Variants in HPS3 observed in about 807,000 individuals in gnomAD.
The protein encoded by HPS3 is HPS3 biogenesis of lysosomal organelles complex 2 subunit 1.
A neutral mutation model predicts 110.9 loss-of-function variants in HPS3; 79 were observed. The observed-to-expected ratio is 0.71, with a 90% CI of 0.59 to 0.86. The LOEUF (loss-of-function observed/expected upper bound fraction) is 0.86, where lower values mean the gene tolerates loss of function less well. Ranked by LOEUF, HPS3 falls within the 40% of genes least tolerant of loss-of-function variation. The pLI, the probability that HPS3 is intolerant of heterozygous loss-of-function variation, is 0.00. For synonymous variants in HPS3, 428 were observed against 451.0 expected, an observed-to-expected ratio of 0.95 and a Z score of 0.65; for missense variants, 1,197 against 1,206.2, an observed-to-expected ratio of 0.99 and a Z score of 0.11.
chr3:149,139,442 C>T (rs2108126917), intron 1 of HPS3, among the ~76,000 whole-genome samples: 1 of 152,220 alleles, frequency 6.6e-6, no homozygotes, highest in Non-Finnish European at 1.5e-5. Flanking sequence ...CATCTCTTTA[C>T]CACGTTACCA....
In HPS3 at chr3:149,162,342, CTT is replaced by C. The variant is rs1723945302; in HGVS notation, c.2292+11_2292+12del. On this transcript the variant is annotated intron_variant, in intron 12 of 16. Coordinates refer to ENST00000296051, the MANE Select transcript of HPS3 (RefSeq NM_032383.5). ...CAGATTCCTTTTTTAAGGTTTGTCA[CTT>C]TGAAAATGTGATTTTTCTGGATGGC... 1 of 1,612,882 alleles carries C rather than the reference CTT, an allele frequency of 6.2e-7. No individual in the cohort carries two copies. The highest frequency in any genetic ancestry group is 1.3e-5 in the African/African-American group (1 of 74,846).
At chr3:149,137,093 A>T (rs1182072192) in intron 1 of HPS3, among the ~76,000 whole-genome samples, 1 of 152,172 alleles carries the variant, frequency 6.6e-6, no homozygotes, top group Non-Finnish European at 1.5e-5. Context: ...TAATATCTAG[A>T]ATATATACAA....
chr3:149,167,591 A>AT (rs920002890), intron 15 of HPS3, among the ~76,000 whole-genome samples: 2 of 152,022 alleles, frequency 1.3e-5, no homozygotes, highest in Non-Finnish European at 2.9e-5. Flanking sequence ...TTTTTTCTTC[A>AT]TTCCTTCCTT....
At chr3:149,130,279 A>T in intron 1 of HPS3, 1 of 388,838 alleles carries the variant, frequency 2.6e-6, no homozygotes, top group Non-Finnish European at 4.7e-6. Context: ...CAGATTTCAA[A>T]GACTTACCAA....
intron 4 of HPS3, among the ~76,000 whole-genome samples, chr3:149,143,898 C>T (rs888412950): frequency 1.3e-5 from 2 of 152,112 alleles, no homozygotes; most frequent in African/African-American, 4.8e-5. Context: ...AAAATTACAG[C>T]CACATGTAGA....
intron 1 of HPS3, among the ~76,000 whole-genome samples, chr3:149,131,696 C>G (rs1221540648): frequency 6.6e-6 from 1 of 152,210 alleles, no homozygotes; most frequent in Non-Finnish European, 1.5e-5. Flanking sequence ...TCAAGTGACA[C>G]TTGGACGTCT....
chr3:149,141,225 A>G (rs769609430), intron 3 of HPS3, 37 bp downstream of exon 3: 3 of 1,557,236 alleles, frequency 1.9e-6, no homozygotes, highest in South Asian at 2.3e-5. Context: ...CCAGCATTTT[A>G]TGTATATATG....
At chr3:149,157,556 G>A (rs754065376) in intron 9 of HPS3, 25 bp downstream of exon 9, 3 of 1,608,424 alleles carry the variant, frequency 1.9e-6, no homozygotes, top group Non-Finnish European at 2.6e-6. Context: ...TTGGAACCTT[G>A]TTACAGAAGT....
At chr3:149,163,604 G>A (rs537872026) in intron 13 of HPS3, among the ~76,000 whole-genome samples, 4 of 152,280 alleles carry the variant, frequency 2.6e-5, no homozygotes, top group Non-Finnish European at 5.9e-5. Context: ...TTGCTAGAAA[G>A]TGCCTCTTTG....
chr3:149,133,044 A>G (rs1576657498), intron 1 of HPS3, among the ~76,000 whole-genome samples: 3 of 152,332 alleles, frequency 2.0e-5, no homozygotes, highest in Non-Finnish European at 4.4e-5. Flanking sequence ...GAACAAAGAA[A>G]GTGGTTTCTT....
At chr3:149,166,075 A>C in intron 14 of HPS3, 1 of 453,134 alleles carries the variant, frequency 2.2e-6, no homozygotes, top group Non-Finnish European at 4.4e-6. Context: ...GTACAGGGAC[A>C]AGAAAATTAG....
intron 5 of HPS3, among the ~76,000 whole-genome samples, chr3:149,148,168 C>T (rs1031749824): frequency 6.6e-6 from 1 of 152,034 alleles, no homozygotes; most frequent in Admixed American, 6.6e-5. Flanking sequence ...CTACTGCGCC[C>T]GGCCCATCTT....
At chr3:149,139,243 A>C (rs1450777364) in intron 1 of HPS3, among the ~76,000 whole-genome samples, 1 of 152,216 alleles carries the variant, frequency 6.6e-6, no homozygotes, top group Admixed American at 6.5e-5. Context: ...TTTATTAATA[A>C]TTTTTAAAAG....
intron 8 of HPS3, among the ~76,000 whole-genome samples, 187 bp downstream of exon 8, chr3:149,155,402 G>C (rs1401859904): frequency 1.3e-5 from 2 of 152,144 alleles, no homozygotes; most frequent in Non-Finnish European, 2.9e-5. Flanking sequence ...CGAGGAACCA[G>C]TAGAAATTCC....
At chr3:149,166,815 A>T (rs1172742086) in intron 14 of HPS3, among the ~76,000 whole-genome samples, 2 of 152,326 alleles carry the variant, frequency 1.3e-5, no homozygotes, top group East Asian at 3.9e-4. Flanking sequence ...TTTAAAAATG[A>T]TTGCTTTCTA....
intron 7 of HPS3, 119 bp from the exon 8 acceptor site, chr3:149,154,988 T>C (rs1330440893): frequency 1.4e-6 from 1 of 694,096 alleles, no homozygotes; most frequent in Non-Finnish European, 2.6e-6. Flanking sequence ...AGTTAATCAC[T>C]GAGGAAAATA....
chr3:149,172,764 A>G lies in HPS3; in HGVS notation c.*542A>G, dbSNP rs1286703599. The stretch of plus-strand genomic sequence containing the variant: ...TTCCTTTTCTTGTTACTTTTAAGAA[A>G]ACTCATGCTCTGTTTCTCTGAATCA... On this transcript the variant is annotated 3_prime_UTR_variant, in exon 17 of 17. Coordinates refer to ENST00000296051, the MANE Select transcript of HPS3 (RefSeq NM_032383.5). The G allele has an allele frequency of 1.3e-5, 2 of 153,022 alleles. No individual in the cohort carries two copies. The highest frequency in any genetic ancestry group is 2.9e-5 in the Non-Finnish European group (2 of 68,354). 9.5% of individuals were successfully genotyped at this position (153,022 alleles called of 1,614,324 possible). A position where few individuals can be genotyped will look rare whatever the true frequency, so the allele number is the denominator to read the frequency against.
intron 4 of HPS3, among the ~76,000 whole-genome samples, chr3:149,143,152 A>C (rs1162826032): frequency 6.6e-6 from 1 of 152,206 alleles, no homozygotes. Flanking sequence ...AGCACTTGGA[A>C]TAAAAACTCC....
Position 149,148,169 on chromosome 3 carries a change from G to A in HPS3, c.1164-2430G>A, listed in dbSNP as rs114902022. ...ATTACAGATGTGAGCTACTGCGCCC[G>A]GCCCATCTTTTTTATTTTACCCGAT... On this transcript the variant is annotated intron_variant, in intron 5 of 16. Coordinates refer to ENST00000296051, the MANE Select transcript of HPS3 (RefSeq NM_032383.5). 4.6e-3 allele frequency among the ~76,000 whole-genome samples: 692 copies of A among 152,054 alleles called. 6 individuals are homozygous for A. The highest frequency in any genetic ancestry group is 0.016 in the African/African-American group (667 of 41,468).
Sources: allele counts gnomAD v4.1 joint callset (sites outside exome capture counted in the v4.1 genomes callset), GRCh38; gene constraint gnomAD v4.1.1; transcripts MANE v1.5; gene names NCBI Gene and HGNC (gene_info 2026-07-23, HGNC 2026-07-21).